Variants in PLD5 observed in about 807,000 individuals in gnomAD.
PLD5 encodes inactive phospholipase D5.
Under a neutral mutation model 61.1 loss-of-function variants are expected in PLD5, and 36 were observed. The ratio of observed to expected loss-of-function variants is 0.59; its 90% CI spans 0.45 to 0.78. The LOEUF (loss-of-function observed/expected upper bound fraction) is 0.78, where lower values mean the gene tolerates loss of function less well. Ranked by LOEUF, PLD5 falls within the 30% of genes least tolerant of loss-of-function variation. The pLI is 0.00. For missense variants in PLD5, 515 were observed against 644.4 expected (o/e 0.80, Z 2.17); for synonymous variants, 243 against 242.8 (o/e 1.00, Z -0.01).
chr1:242,143,195 TTTTTTTCTTTTTTTC>T (rs1664305825), intron 5 of PLD5, among the ~76,000 whole-genome samples: 3 of 151,698 alleles, frequency 2.0e-5, no homozygotes, highest in Non-Finnish European at 2.9e-5. Context: ...GCCAGCTATG[TTTTTTTCTTTTTTTC>T]TTTTTTCTTT....
intron 1 of PLD5, among the ~76,000 whole-genome samples, chr1:242,416,488 G>A (rs897774508): frequency 6.6e-6 from 1 of 152,126 alleles, no homozygotes; most frequent in East Asian, 1.9e-4. Context: ...AGAAGCCTAG[G>A]ATCTCTTAGT....
intron 5 of PLD5, among the ~76,000 whole-genome samples, chr1:242,174,771 C>T (rs1667005371): frequency 6.6e-6 from 1 of 151,826 alleles, no homozygotes; most frequent in Admixed American, 6.6e-5. Flanking sequence ...AAGCTGGAAA[C>T]CATCATTCTC....
Position 242,258,286 on chromosome 1 carries a change from C to T in PLD5, c.607+7051G>A, listed in dbSNP as rs1050263532. Among the ~76,000 whole-genome samples, 5 of 152,136 alleles carry T rather than the reference C, an allele frequency of 3.3e-5. No homozygotes were observed. The South Asian group carries it at 6.2e-4, about 19-fold the overall frequency. On this transcript the variant is annotated intron_variant, in intron 4 of 9. Transcript: ENST00000536534. ...AAAAACCAGCACAGCCTGAATTCTCCGAATTTCCATCCACTGAGTATGGTC... is the reference window on the plus strand; with the variant it reads ...AAAAACCAGCACAGCCTGAATTCTCTGAATTTCCATCCACTGAGTATGGTC...
At chr1:242,415,289 T>C (rs1440191139) in intron 1 of PLD5, among the ~76,000 whole-genome samples, 4 of 152,014 alleles carry the variant, frequency 2.6e-5, no homozygotes, top group Admixed American at 2.6e-4. Context: ...GAAAGATATA[T>C]CTGAAAAGAA....
Position 242,141,506 on chromosome 1 carries a change from G to C in PLD5, c.736-16841C>G, listed in dbSNP as rs116975155. On this transcript the variant is annotated intron_variant, in intron 5 of 9. Transcript: ENST00000536534. Reference sequence around the variant, plus strand: ...TCTTGTCTTTCTTAATCAGATAGATGGGTGCTTTGGGGACTGGTCTTGACC... The same window carrying C: ...TCTTGTCTTTCTTAATCAGATAGATCGGTGCTTTGGGGACTGGTCTTGACC... Among the ~76,000 whole-genome samples the C allele has an allele frequency of 5.0e-3, 766 of 152,252 alleles. 17 individuals carry two copies. In the East Asian group the frequency reaches 0.056, roughly 11 times the overall value.
At chr1:242,267,433 T>C (rs184676479) in intron 3 of PLD5, among the ~76,000 whole-genome samples, 185 of 152,278 alleles carry the variant, frequency 1.2e-3, no homozygotes, top group Non-Finnish European at 1.5e-3. Context: ...GGCTTCCTTT[T>C]AGTTTAAACA....
At chr1:242,530,532 G>A in the PLD5 span, among the ~76,000 whole-genome samples, 5 of 152,126 alleles carry the variant, frequency 3.3e-5, no homozygotes, top group African/African-American at 1.2e-4. Flanking sequence ...TGCCTAAGTT[G>A]GCACTTCATT....
At chr1:242,185,327 A>G (rs1466228056) in intron 5 of PLD5, among the ~76,000 whole-genome samples, 3 of 152,356 alleles carry the variant, frequency 2.0e-5, no homozygotes, top group Non-Finnish European at 2.9e-5. Context: ...TAAGGGAGAA[A>G]GAGTGGGTAT....
chr1:242,138,842 C>T (rs7538792), intron 5 of PLD5, among the ~76,000 whole-genome samples: 51,813 of 152,030 alleles, frequency 0.34, 9,022 homozygotes, highest in Non-Finnish European at 0.36. Context: ...ACACCTGTGC[C>T]TCTTACTCCT....
intron 3 of PLD5, among the ~76,000 whole-genome samples, chr1:242,269,420 G>A (rs1673920268): frequency 1.3e-5 from 2 of 151,286 alleles, no homozygotes; most frequent in African/African-American, 4.9e-5. Context: ...CTTTGAAGAG[G>A]ATGCTTAATG....
At chr1:242,179,941 TG>T (rs1293565305) in intron 5 of PLD5, among the ~76,000 whole-genome samples, 6 of 152,086 alleles carry the variant, frequency 3.9e-5, no homozygotes, top group Non-Finnish European at 8.8e-5. Flanking sequence ...TGTGTGTGTG[TG>T]TGTGTAGGGA....
chr1:242,438,564 C>T lies in PLD5; in HGVS notation c.189+85524G>A, dbSNP rs540719252. 4.0e-5 allele frequency among the ~76,000 whole-genome samples: 6 copies of T among 151,690 alleles called. No homozygotes were observed. The South Asian group carries it at 6.3e-4, about 16-fold the overall frequency. ...GGTTCAAGCGACTCTCCTACCTCAG[C>T]CTCCTGAGTACTCAGATTACCGGCA... On this transcript the variant is annotated intron_variant, in intron 1 of 9. Coordinates refer to ENST00000536534, the MANE Select transcript of PLD5 (RefSeq NM_001372062.1).
At chr1:242,427,598 T>G (rs972513323) in intron 1 of PLD5, among the ~76,000 whole-genome samples, 9 of 152,174 alleles carry the variant, frequency 5.9e-5, no homozygotes, top group Non-Finnish European at 1.3e-4. Flanking sequence ...TCTTGGAAAT[T>G]TTACAAAGCA....
chr1:242,320,725 C>T (rs1255439670), intron 2 of PLD5, among the ~76,000 whole-genome samples: 3 of 152,130 alleles, frequency 2.0e-5, no homozygotes, highest in Non-Finnish European at 2.9e-5. Flanking sequence ...GCATCAACCT[C>T]GGTGACCAGT....
intron 5 of PLD5, among the ~76,000 whole-genome samples, chr1:242,169,763 T>C (rs1016174087): frequency 6.6e-6 from 1 of 152,250 alleles, no homozygotes; most frequent in African/African-American, 2.4e-5. Context: ...GAGTCCACCA[T>C]TGCTGAGGCT....
At chr1:242,470,017 A>G (rs1425136691) in intron 1 of PLD5, among the ~76,000 whole-genome samples, 6 of 152,156 alleles carry the variant, frequency 3.9e-5, no homozygotes. Context: ...TTGATGCACC[A>G]GGAAAAGCAA....
chr1:242,323,125 G>A (rs1230715970), intron 2 of PLD5, among the ~76,000 whole-genome samples: 17 of 151,076 alleles, frequency 1.1e-4, no homozygotes, highest in Non-Finnish European at 1.6e-4. Flanking sequence ...AAATCTTCAC[G>A]AAAAAAGAAA....
intron 3 of PLD5, among the ~76,000 whole-genome samples, chr1:242,284,119 C>CTTTTTTTTTTTTTT (rs565165218): frequency 2.6e-5 from 2 of 75,950 alleles, no homozygotes; most frequent in African/African-American, 5.6e-5. Context: ...TTTCTTTTTC[C>CTTTTTTTTTTTTTT]TTTTTTTTTT....
At chr1:242,308,969 G>A (rs958270403) in intron 2 of PLD5, among the ~76,000 whole-genome samples, 3 of 152,128 alleles carry the variant, frequency 2.0e-5, no homozygotes, top group South Asian at 2.1e-4. Context: ...GAGCGGGGAC[G>A]TAAGGGGGAG....
Sources: gnomAD v4.1 joint callset for allele counts (sites outside exome capture counted in the v4.1 genomes callset) on GRCh38, gnomAD v4.1.1 for gene constraint, MANE v1.5 for transcripts, NCBI Gene and HGNC (gene_info 2026-07-23, HGNC 2026-07-21) for gene names.